The following CSMD3 variants were observed in gnomAD, a reference collection of about 807,000 sequenced individuals.
CSMD3 encodes CUB and Sushi multiple domains 3.
In CSMD3, 177 loss-of-function variants were observed where a neutral mutation model predicts 435.2. The ratio of observed to expected loss-of-function variants is 0.41; its 90% CI spans 0.36 to 0.46. The LOEUF (loss-of-function observed/expected upper bound fraction) is 0.46. CSMD3 is among the 20% of genes least tolerant of loss of function. CSMD3 has a pLI of 0.34. For missense variants in CSMD3, 4,265 were observed against 4,504.6 expected, an observed-to-expected ratio of 0.95 and a Z score of 1.52; for synonymous variants, 1,656 against 1,520.5, an observed-to-expected ratio of 1.09 and a Z score of -2.07.
At chr8:113,074,082 C>T (rs2089242608) in intron 5 of CSMD3, among the ~76,000 whole-genome samples, 1 of 151,642 alleles carries the variant, frequency 6.6e-6, no homozygotes, top group South Asian at 2.1e-4. Context: ...ATGTAGCAAG[C>T]ACTAGATGAC....
At chr8:112,997,206 A>G (rs530330331) in intron 6 of CSMD3, among the ~76,000 whole-genome samples, 1 of 151,866 alleles carries the variant, frequency 6.6e-6, no homozygotes, top group Non-Finnish European at 1.5e-5. Context: ...ATTCAAATAT[A>G]GAGATGGAAA....
chr8:113,162,599 TTACTC>T (rs1322400568), intron 4 of CSMD3, among the ~76,000 whole-genome samples: 2 of 151,502 alleles, frequency 1.3e-5, no homozygotes, highest in Non-Finnish European at 1.5e-5. Context: ...AAAAACTTGT[TTACTC>T]TAACCAAATT....
chr8:112,765,518 C>A (rs1191910047), intron 13 of CSMD3, among the ~76,000 whole-genome samples: 1 of 151,604 alleles, frequency 6.6e-6, no homozygotes, highest in Admixed American at 6.6e-5. Flanking sequence ...TATAATCCAG[C>A]GTGCAGGAGG....
intron 12 of CSMD3, among the ~76,000 whole-genome samples, chr8:112,825,250 C>T (rs897389312): frequency 1.3e-5 from 2 of 152,112 alleles, no homozygotes; most frequent in South Asian, 2.1e-4. Context: ...TTGGTTAGAA[C>T]GTGCTCCTTT....
At chr8:112,701,722 C>T (rs2076393100) in intron 13 of CSMD3, among the ~76,000 whole-genome samples, 1 of 152,150 alleles carries the variant, frequency 6.6e-6, no homozygotes, top group Non-Finnish European at 1.5e-5. Flanking sequence ...CCTTCATGAT[C>T]TCAGCCTTTC....
chr8:112,488,442 T>C (rs1410244250), intron 31 of CSMD3, among the ~76,000 whole-genome samples: 1 of 152,160 alleles, frequency 6.6e-6, no homozygotes, highest in African/African-American at 2.4e-5. Flanking sequence ...CAGAATATGA[T>C]CATGTTGGTA....
At chr8:113,133,107 G>C (rs2091325372) in intron 4 of CSMD3, among the ~76,000 whole-genome samples, 1 of 151,986 alleles carries the variant, frequency 6.6e-6, no homozygotes, top group Non-Finnish European at 1.5e-5. Context: ...TGAATCAAAA[G>C]GGACAATCAA....
chr8:112,951,951 C>T (rs1332705081), intron 8 of CSMD3, among the ~76,000 whole-genome samples: 2 of 151,422 alleles, frequency 1.3e-5, no homozygotes, highest in African/African-American at 2.4e-5. Context: ...CTCACAGTTT[C>T]CTCATAATTC....
intron 35 of CSMD3, among the ~76,000 whole-genome samples, 190 bp from the exon 36 acceptor site, chr8:112,390,978 GCATTAATGGATGA>G (rs1182941912): frequency 6.6e-6 from 1 of 152,112 alleles, no homozygotes; most frequent in East Asian, 1.9e-4. Flanking sequence ...TAATTAGACA[GCATTAATGGATGA>G]CCTTTGAATG....
intron 10 of CSMD3, among the ~76,000 whole-genome samples, chr8:112,904,405 TG>T (rs930326679): frequency 2.0e-5 from 3 of 151,458 alleles, no homozygotes; most frequent in Non-Finnish European, 4.4e-5. Context: ...CAATTTTGTC[TG>T]TTGATTTAAA....
At chr8:113,168,505 G>A (rs1201620467) in intron 4 of CSMD3, among the ~76,000 whole-genome samples, 1 of 87,758 alleles carries the variant, frequency 1.1e-5, no homozygotes, top group African/African-American at 4.5e-5. Context: ...TGGTGACAGA[G>A]CAAGACTCTG....
rs149640363 is a variant in CSMD3 at position 112,633,248 on chromosome 8, C to T, written c.3715+3569G>A. ...TCTAGTTAAATAGAGGACAAGCATACGAAGTTCTCTGAAGCCATGTATCAA... is the reference window on the plus strand; with the variant it reads ...TCTAGTTAAATAGAGGACAAGCATATGAAGTTCTCTGAAGCCATGTATCAA... On this transcript the variant is annotated intron_variant, in intron 22 of 70. Coordinates refer to ENST00000297405, the MANE Select transcript of CSMD3 (RefSeq NM_198123.2). 4.8e-3 allele frequency among the ~76,000 whole-genome samples: 725 copies of T among 152,084 alleles called. 6 individuals carry two copies. Among genetic ancestry groups the T allele is most frequent in the Non-Finnish European group, 6.8e-3 (459 of 67,936 alleles).
chr8:112,495,674 T>C (rs1346844109), intron 30 of CSMD3, among the ~76,000 whole-genome samples: 1 of 152,136 alleles, frequency 6.6e-6, no homozygotes, highest in Non-Finnish European at 1.5e-5. Context: ...AGGCAGTAGC[T>C]GGAAAGTGAT....
chr8:113,328,735 CTTTTTTT>C (rs71281211), intron 1 of CSMD3, among the ~76,000 whole-genome samples: 71 of 57,196 alleles, frequency 1.2e-3, no homozygotes, highest in African/African-American at 1.0e-3. Flanking sequence ...TCCTTCTTTT[CTTTTTTT>C]TTTTTTTTTT....
intron 59 of CSMD3, among the ~76,000 whole-genome samples, chr8:112,276,249 CT>C (rs1361508431): frequency 9.9e-5 from 15 of 152,228 alleles, no homozygotes; most frequent in Admixed American, 2.6e-4. Context: ...TTCCCATCAT[CT>C]TGGGCAGCTC....
intron 10 of CSMD3, among the ~76,000 whole-genome samples, chr8:112,868,726 A>G (rs2081052978): frequency 6.6e-6 from 1 of 152,192 alleles, no homozygotes; most frequent in Non-Finnish European, 1.5e-5. Flanking sequence ...TAGTCAACTA[A>G]CCTGTGACAG....
intron 11 of CSMD3, among the ~76,000 whole-genome samples, chr8:112,841,040 T>C (rs895500966): frequency 6.6e-6 from 1 of 151,710 alleles, no homozygotes; most frequent in African/African-American, 2.4e-5. Context: ...ATGAAGTGTT[T>C]TAAAGAAAGA....
At chr8:112,370,388 A>G (rs1291751729) in intron 38 of CSMD3, among the ~76,000 whole-genome samples, 1 of 152,232 alleles carries the variant, frequency 6.6e-6, no homozygotes, top group Non-Finnish European at 1.5e-5. Flanking sequence ...ACATGGTAAT[A>G]CCTTGTAAAT....
chr8:112,466,781 CCTAAGT>C (rs1305951293), intron 32 of CSMD3, among the ~76,000 whole-genome samples: 6 of 151,912 alleles, frequency 3.9e-5, no homozygotes, highest in African/African-American at 9.7e-5. Context: ...TATGTAATTA[CCTAAGT>C]CTATCAGCCC....
Sources: allele counts gnomAD v4.1 joint callset (sites outside exome capture counted in the v4.1 genomes callset), GRCh38; gene constraint gnomAD v4.1.1; transcripts MANE v1.5; gene names NCBI Gene and HGNC (gene_info 2026-07-23, HGNC 2026-07-21).